TMPRSS9: variants seen among roughly 807,000 people sequenced by gnomAD.
TMPRSS9 encodes the protein transmembrane serine protease 9, also known as transmembrane protease serine 9.
TMPRSS9 carries 113 observed loss-of-function variants against 111.4 expected under a neutral mutation model. The ratio of observed to expected loss-of-function variants is 1.01; its 90% confidence interval spans 0.87 to 1.19. The LOEUF (loss-of-function observed/expected upper bound fraction) is 1.19. Ranked by LOEUF, TMPRSS9 falls within the 50% of genes most tolerant of loss-of-function variation. TMPRSS9 has a pLI of 0.00. For missense variants in TMPRSS9, 1,803 were observed against 1,513.1 expected (o/e 1.19, Z -3.18); for synonymous variants, 805 against 659.1 (o/e 1.22, Z -3.39).
At chr19:2,378,963 C>T (rs1271273757) in intron 1 of TMPRSS9, among the ~76,000 whole-genome samples, 2 of 152,010 alleles carry the variant, frequency 1.3e-5, no homozygotes, top group African/African-American at 4.8e-5. Flanking sequence ...GGGAAAGCAT[C>T]CCCATGATTT....
At chr19:2,416,676 T>C in exon 12 of TMPRSS9, 1 of 1,613,144 alleles carries the variant, frequency 6.2e-7, no homozygotes, top group African/African-American at 1.3e-5. Flanking sequence ...TCGACCTGGC[T>C]GTCCTGGAGC....
upstream of TMPRSS9, among the ~76,000 whole-genome samples, chr19:2,388,263 C>G (rs1045661835): frequency 6.6e-6 from 1 of 151,922 alleles, no homozygotes; most frequent in South Asian, 2.1e-4. Flanking sequence ...GTGGCACACA[C>G]GTGGCCCTAG....
At chr19:2,399,250 G>A in intron 4 of TMPRSS9, 57 bp downstream of exon 5, 4 of 1,515,660 alleles carry the variant, frequency 2.6e-6, no homozygotes, top group Non-Finnish European at 3.5e-6. Flanking sequence ...TGGGGCAGGA[G>A]CTGCAAGATA....
upstream of TMPRSS9, among the ~76,000 whole-genome samples, chr19:2,386,359 G>A (rs1303873641): frequency 6.6e-6 from 1 of 151,970 alleles, no homozygotes; most frequent in Non-Finnish European, 1.5e-5. Flanking sequence ...CAAAAAATTA[G>A]CTGGGCGTGG....
intron 1 of TMPRSS9, among the ~76,000 whole-genome samples, chr19:2,393,654 C>CT (rs1970646497): frequency 6.6e-6 from 1 of 152,116 alleles, no homozygotes; most frequent in Non-Finnish European, 1.5e-5. Flanking sequence ...AATCCCAGCA[C>CT]TTTGGGAGGC....
intron 1 of TMPRSS9, among the ~76,000 whole-genome samples, chr19:2,372,602 C>A (rs1004251471): frequency 2.0e-5 from 3 of 152,158 alleles, no homozygotes; most frequent in African/African-American, 7.2e-5. Context: ...TCTCTCTCTG[C>A]CTTTCTCTGA....
In TMPRSS9 at chr19:2,425,877, C is replaced by T; in HGVS notation, c.3121-50C>T. 3 of 1,535,804 alleles carry T rather than the reference C, an allele frequency of 2.0e-6. No individual in the cohort carries two copies. In the South Asian group the frequency reaches 3.8e-5, roughly 19 times the overall value. ...AGAGGGGCCAATGACCCAAGGGCTG[C>T]TGTAGGGGAGGTACCGGCCTCTGAA... On this transcript the variant is annotated intron_variant, in intron 17 of 17. Transcript: ENST00000648592.
chr19:2,425,736 C>T (rs539787147), intron 17 of TMPRSS9, 191 bp from the exon 19 acceptor site: 2 of 1,134,142 alleles, frequency 1.8e-6, no homozygotes, highest in Non-Finnish European at 2.4e-6. Flanking sequence ...TGGGAGGCAC[C>T]GTTCCACTCC....
At chr19:2,424,211 C>A (rs867466048) in exon 15 of TMPRSS9, 1 of 1,443,262 alleles carries the variant, frequency 6.9e-7, no homozygotes, top group Non-Finnish European at 9.2e-7. Context: ...CGGGGCCGTG[C>A]TGGTGGCAGA....
intron 1 of TMPRSS9, 65 bp from the exon 3 acceptor site, chr19:2,396,474 G>T: frequency 3.3e-6 from 5 of 1,498,838 alleles, no homozygotes. Flanking sequence ...GGCCTGGGTG[G>T]CAGCTCAGCG....
intron 1 of TMPRSS9, among the ~76,000 whole-genome samples, chr19:2,380,597 C>T (rs77464834): frequency 6.5e-5 from 3 of 46,250 alleles, no homozygotes; most frequent in Non-Finnish European, 1.1e-4. Context: ...CAAGACTCCA[C>T]CAAAAAAAAA....
intron 1 of TMPRSS9, among the ~76,000 whole-genome samples, chr19:2,395,783 G>A (rs577556134): frequency 7.9e-5 from 12 of 152,212 alleles, no homozygotes; most frequent in Middle Eastern, 6.8e-3. Flanking sequence ...CGAGGAGGGC[G>A]GATCACGAGG....
rs776584543 is a variant in TMPRSS9 at position 2,399,189 on chromosome 19, C to T, written c.510C>T (p.Leu170=). The change falls in exon 4 of 18, where the codon CTC becomes CTT. Residue 170 remains leucine (L), a synonymous_variant. Coordinates refer to ENST00000648592, the Ensembl canonical transcript of TMPRSS9. ...ATGGCACAATTGTGTCGGCTGAGCT[C>T]ACAGGTGAGTGGGCAGCCGAGACCG... 9.4e-6 allele frequency: 15 copies of T among 1,596,436 alleles called. No homozygotes were observed. The Admixed American group carries it at 2.4e-4, about 26-fold the overall frequency.
rs200611253 is a variant in TMPRSS9 at position 2,408,295 on chromosome 19, G to A, written c.843-61G>A. Reference sequence around the variant, plus strand: ...ATTTTGCACCCAAGGCGAGTGTCCCGTCTGCCTCCCCCGACGGCTCTGACC... The same window carrying A: ...ATTTTGCACCCAAGGCGAGTGTCCCATCTGCCTCCCCCGACGGCTCTGACC... On this transcript the variant is annotated intron_variant, in intron 7 of 17. Transcript: ENST00000648592. The A allele has an allele frequency of 4.5e-3, 6,967 of 1,564,992 alleles. 24 individuals carry two copies. Among genetic ancestry groups the A allele is most frequent in the Non-Finnish European group, 5.6e-3 (6,360 of 1,145,264 alleles).
intron 7 of TMPRSS9, among the ~76,000 whole-genome samples, 161 bp downstream of exon 8, chr19:2,405,706 C>CTT (rs10608410): frequency 1.3e-4 from 17 of 135,848 alleles, no homozygotes; most frequent in South Asian, 4.7e-4. Flanking sequence ...TGAGGGCATT[C>CTT]TTTTTTTTTT....
chr19:2,413,065 C>T (rs902360242), intron 9 of TMPRSS9, among the ~76,000 whole-genome samples: 2 of 151,918 alleles, frequency 1.3e-5, no homozygotes, highest in African/African-American at 4.8e-5. Context: ...CGTGGTGATG[C>T]GTGCCTATAA....
chr19:2,395,997 G>C (rs1970699202), intron 1 of TMPRSS9, among the ~76,000 whole-genome samples: 1 of 152,224 alleles, frequency 6.6e-6, no homozygotes, highest in African/African-American at 2.4e-5. Context: ...GACAGAGCGA[G>C]ACTCTGTCTC....
chr19:2,365,779 C>T (rs1344184316), intron 1 of TMPRSS9, among the ~76,000 whole-genome samples: 1 of 151,872 alleles, frequency 6.6e-6, no homozygotes, highest in African/African-American at 2.4e-5. Context: ...AGCTGGGCAA[C>T]ATAGCAAGAC....
chr19:2,383,362 A>G (rs995241940), intron 1 of TMPRSS9, among the ~76,000 whole-genome samples: 3 of 151,492 alleles, frequency 2.0e-5, no homozygotes, highest in Non-Finnish European at 4.4e-5. Context: ...AAAAAAAAAA[A>G]AGGAGAAGTT....
Sources: allele counts gnomAD v4.1 joint callset (sites outside exome capture counted in the v4.1 genomes callset), GRCh38; gene constraint gnomAD v4.1.1; transcripts MANE v1.5; gene names NCBI Gene and HGNC (gene_info 2026-07-23, HGNC 2026-07-21).